The following SPTB variants were observed in gnomAD, a reference collection of about 807,000 sequenced individuals.
SPTB encodes spectrin beta chain, erythrocytic.
Under a neutral mutation model 256.2 loss-of-function variants are expected in SPTB, and 45 were observed. The observed-to-expected ratio is 0.18, with a 90% confidence interval of 0.14 to 0.23. SPTB has a LOEUF of 0.23. Ranked by LOEUF, SPTB falls within the 10% of genes least tolerant of loss-of-function variation. The pLI is 1.00. For synonymous variants in SPTB, 1,231 were observed against 1,243.1 expected (o/e 0.99, Z 0.21); for missense variants, 2,715 against 3,040.4 (o/e 0.89, Z 2.52).
In SPTB at chr14:64,858,517, A is replaced by G. The variant is rs149537077; in HGVS notation, c.-52+21275T>C. Among the ~76,000 whole-genome samples the G allele has an allele frequency of 3.9e-4, 59 of 152,280 alleles. 2 individuals are homozygous for G. Among genetic ancestry groups the G allele is most frequent in the Middle Eastern group, 6.8e-3 (2 of 294 alleles). ...GGAAGCGAGCAGAGCCTGGACAACC[A>G]CAGGTGACTGGAAGAAGAGAGGAGA... On this transcript the variant is annotated intron_variant, in intron 1 of 35. Transcript: ENST00000644917.
chr14:64,799,097 G>C (rs949004958), intron 9 of SPTB, among the ~76,000 whole-genome samples: 2 of 150,218 alleles, frequency 1.3e-5, no homozygotes, highest in Non-Finnish European at 3.0e-5. Flanking sequence ...ATGTGTATGA[G>C]TGCACGGTTG....
intron 19 of SPTB, 26 bp downstream of exon 19, chr14:64,784,221 A>T (rs229634): frequency 6.2e-7 from 1 of 1,613,290 alleles, no homozygotes. Flanking sequence ...CAGAGCACCC[A>T]CCCGCCGCCC....
chr14:64,854,743 C>A (rs1282795546), intron 1 of SPTB, among the ~76,000 whole-genome samples: 2 of 152,184 alleles, frequency 1.3e-5, no homozygotes, highest in South Asian at 4.1e-4. Flanking sequence ...TCGGATTACA[C>A]CCCATCCCAT....
chr14:64,751,925 T>C (rs1156291969), intron 33 of SPTB, among the ~76,000 whole-genome samples: 1 of 73,570 alleles, frequency 1.4e-5, no homozygotes, highest in Non-Finnish European at 2.9e-5. Flanking sequence ...CTACTAAAAA[T>C]GCAAAAAAAA....
At chr14:64,821,481 A>G (rs569208512) in intron 2 of SPTB, among the ~76,000 whole-genome samples, 1 of 152,356 alleles carries the variant, frequency 6.6e-6, no homozygotes, top group Non-Finnish European at 1.5e-5. Context: ...GGCAAATCTT[A>G]CGGAATATGG....
intron 20 of SPTB, among the ~76,000 whole-genome samples, chr14:64,781,150 G>A (rs893511442): frequency 5.3e-5 from 8 of 152,130 alleles, no homozygotes; most frequent in Non-Finnish European, 1.0e-4. Context: ...ATATCATCCT[G>A]GACATAGGAA....
intron 32 of SPTB, chr14:64,757,288 C>T (rs2082027959): frequency 6.6e-6 from 1 of 152,232 alleles, no homozygotes; most frequent in Non-Finnish European, 1.5e-5. Flanking sequence ...ACTTCCATTC[C>T]ATTTTCCTTC....
In SPTB at chr14:64,769,671, A is replaced by C. The variant is rs2082248503; in HGVS notation, c.5856T>G (p.Ile1952Met). The C allele has an allele frequency of 6.2e-7, 1 of 1,614,170 alleles. No homozygotes were observed. The highest frequency in any genetic ancestry group is 1.3e-5 in the African/African-American group (1 of 75,052). The change falls in exon 28 of 36, where the codon ATT becomes ATG. Residue 1952 changes from isoleucine (I) to methionine (M), a missense_variant. Transcript: ENST00000644917. ...CACTGAAGTTCTTGCTCCGGGTTTC[A>C]ATCTCTGCATTGATGCCCTGGTGAT... Reference protein sequence around the residue: ...MKYHQGINAEIETRSKNFSAC... With the variant: ...MKYHQGINAEMETRSKNFSAC...
intron 1 of SPTB, among the ~76,000 whole-genome samples, chr14:64,849,253 A>G (rs2083741707): frequency 6.6e-6 from 1 of 152,240 alleles, no homozygotes; most frequent in East Asian, 1.9e-4. Flanking sequence ...ATTGGCTTCA[A>G]ACAAGAAACC....
intron 18 of SPTB, among the ~76,000 whole-genome samples, chr14:64,784,702 C>T (rs1248479243): frequency 6.6e-6 from 1 of 152,218 alleles, no homozygotes; most frequent in Non-Finnish European, 1.5e-5. Context: ...TCTAGGAACC[C>T]AACGAGTGTT....
intron 1 of SPTB, among the ~76,000 whole-genome samples, chr14:64,831,118 C>T (rs2083445921): frequency 6.6e-6 from 1 of 152,020 alleles, no homozygotes; most frequent in African/African-American, 2.4e-5. Context: ...GGTGGTGACC[C>T]ATGCACCAAC....
At position 64,749,649 on chromosome 14, in the gene SPTB, C is replaced by T; in HGVS notation, c.6819+5G>A. ...CCAGGTCTGGGCTAGGCTGCCCGCGCTTACCTCATCCTTGCCATGGAAGAG... is the reference window on the plus strand; with the variant it reads ...CCAGGTCTGGGCTAGGCTGCCCGCGTTTACCTCATCCTTGCCATGGAAGAG... On this transcript the variant is annotated splice_donor_5th_base_variant and intron_variant, in intron 35 of 35. Transcript: ENST00000644917. This position sits in a 1 kb window ranked among gnomAD's most constrained non-coding sequence, Gnocchi z 4.7. 1 of 1,613,760 alleles carries T rather than the reference C, an allele frequency of 6.2e-7. No homozygotes were observed. Among genetic ancestry groups the T allele is most frequent in the Non-Finnish European group, 8.5e-7 (1 of 1,179,948 alleles).
chr14:64,749,161 T>TTGCA lies in SPTB; in HGVS notation c.*141_*144dup. The TTGCA allele has an allele frequency of 1.0e-6, 1 of 956,040 alleles. No individual in the cohort carries two copies. Among genetic ancestry groups the TTGCA allele is most frequent in the Non-Finnish European group, 1.5e-6 (1 of 658,044 alleles). The allele number at this position is 956,040 out of a possible 1,614,324, so 59.2% of individuals were successfully genotyped here. A position where few individuals can be genotyped will look rare whatever the true frequency, so the allele number is the denominator to read the frequency against. On this transcript the variant is annotated 3_prime_UTR_variant, in exon 36 of 36. Coordinates refer to ENST00000644917, the MANE Select transcript of SPTB (RefSeq NM_001355436.2). This position sits in a 1 kb window ranked among gnomAD's most constrained non-coding sequence, Gnocchi z 4.7. ...CAGGACACGCGGGCGAAGGCAGCTT[T>TTGCA]TGCAGTGCAGCGTGGGGCCCGGGGG...
At chr14:64,765,231 G>T (rs2082151706) in intron 32 of SPTB, among the ~76,000 whole-genome samples, 1 of 152,144 alleles carries the variant, frequency 6.6e-6, no homozygotes, top group Non-Finnish European at 1.5e-5. Flanking sequence ...CGGGCTCACG[G>T]GACACCTGGA....
chr14:64,797,490 A>G lies in SPTB; in HGVS notation c.1182+239T>C, dbSNP rs1220739354. ...TCCAAAAAAAAAAAAAAAAAAAAAA[A>G]AAAAAAAAAAAAGGACTCAGGGATG... On this transcript the variant is annotated intron_variant, in intron 10 of 35. Coordinates refer to ENST00000644917, the MANE Select transcript of SPTB (RefSeq NM_001355436.2). 2.7e-5 allele frequency among the ~76,000 whole-genome samples: 4 copies of G among 146,906 alleles called. No individual in the cohort carries two copies. The East Asian group carries it at 7.9e-4, about 29-fold the overall frequency.
At chr14:64,822,405 G>C (rs867655623) in intron 2 of SPTB, among the ~76,000 whole-genome samples, 352 of 10,138 alleles carry the variant, frequency 0.035, 5 homozygotes, top group African/African-American at 0.087. Flanking sequence ...CACACACAGA[G>C]AGATCTATTA....
At chr14:64,769,465 T>A in intron 28 of SPTB, 125 bp downstream of exon 28, 2 of 1,337,498 alleles carry the variant, frequency 1.5e-6, no homozygotes, top group South Asian at 2.5e-5. Flanking sequence ...CCGATCTCCA[T>A]GAGTGAGAGC....
chr14:64,809,419 C>G (rs1306318991), intron 2 of SPTB, among the ~76,000 whole-genome samples: 4 of 148,396 alleles, frequency 2.7e-5, no homozygotes, highest in African/African-American at 5.0e-5. Context: ...GATCTCGGCT[C>G]ACTGCAACCT....
At chr14:64,872,012 T>C (rs1357385758) in intron 1 of SPTB, among the ~76,000 whole-genome samples, 1 of 152,196 alleles carries the variant, frequency 6.6e-6, no homozygotes, top group Non-Finnish European at 1.5e-5. Flanking sequence ...CAGTACAAAG[T>C]ACACAGCACA....
Sources: gnomAD v4.1 joint callset for allele counts (sites outside exome capture counted in the v4.1 genomes callset) on GRCh38, gnomAD v4.1.1 for gene constraint, Gnocchi (gnomAD v3.1) non-coding constraint, MANE v1.5 for transcripts, NCBI Gene and HGNC (gene_info 2026-07-23, HGNC 2026-07-21) for gene names.